The following ALMS1 variants were observed in gnomAD, a reference collection of about 807,000 sequenced individuals.
ALMS1 encodes ALMS1 centrosome and basal body associated protein.
In ALMS1, 271 loss-of-function variants were observed where a neutral mutation model predicts 352.2. That is an observed-to-expected ratio of 0.77 (90% CI 0.70 to 0.85). ALMS1 has a LOEUF of 0.85. Ranked by LOEUF, ALMS1 falls within the 40% of genes least tolerant of loss-of-function variation. The pLI, the probability that ALMS1 is intolerant of heterozygous loss-of-function variation, is 0.00. For synonymous variants in ALMS1, 1,865 were observed against 1,761.2 expected, an observed-to-expected ratio of 1.06 and a Z score of -1.48; for missense variants, 5,445 against 4,870.7, an observed-to-expected ratio of 1.12 and a Z score of -3.51.
chr2:73,523,036 C>G (rs1673717609), intron 11 of ALMS1, among the ~76,000 whole-genome samples: 1 of 152,186 alleles, frequency 6.6e-6, no homozygotes, highest in South Asian at 2.1e-4. Context: ...GATCTTCCAT[C>G]TAACAACACT....
intron 10 of ALMS1, among the ~76,000 whole-genome samples, chr2:73,515,526 A>G (rs1673537255): frequency 6.6e-6 from 1 of 152,116 alleles, no homozygotes; most frequent in Non-Finnish European, 1.5e-5. Context: ...TAGAGGGACT[A>G]GAAAAACAAG....
intron 12 of ALMS1, 116 bp downstream of exon 12, chr2:73,535,065 A>C: frequency 7.8e-7 from 1 of 1,284,416 alleles, no homozygotes; most frequent in Non-Finnish European, 1.1e-6. Context: ...GAAATATGGA[A>C]CTTTTCATAC....
chr2:73,467,227 G>A (rs1457984654), intron 9 of ALMS1, among the ~76,000 whole-genome samples: 8 of 152,014 alleles, frequency 5.3e-5, no homozygotes, highest in Non-Finnish European at 7.4e-5. Flanking sequence ...AGGGTATTTC[G>A]GATACATATA....
chr2:73,573,673 A>G, intron 16 of ALMS1: 1 of 618,288 alleles, frequency 1.6e-6, no homozygotes, highest in Admixed American at 2.6e-5. Flanking sequence ...CAGTCTGCAA[A>G]GTTTACCCCT....
chr2:73,429,898 G>A (rs1671466199), intron 6 of ALMS1, among the ~76,000 whole-genome samples: 1 of 151,782 alleles, frequency 6.6e-6, no homozygotes, highest in Non-Finnish European at 1.5e-5. Flanking sequence ...GTATTTTTCT[G>A]GTTTCTTGGT....
intron 6 of ALMS1, among the ~76,000 whole-genome samples, chr2:73,430,821 T>G (rs1357027202): frequency 6.6e-6 from 1 of 152,070 alleles, no homozygotes; most frequent in Non-Finnish European, 1.5e-5. Context: ...AACAACAAAA[T>G]TGCCTGACAG....
At position 73,452,221 on chromosome 2, in the gene ALMS1, T is replaced by C. The variant is rs1317035563; in HGVS notation, c.5694T>C (p.Asn1898=). 3 of 1,613,998 alleles carry C rather than the reference T, an allele frequency of 1.9e-6. No homozygotes were observed. Among genetic ancestry groups the C allele is most frequent in the Non-Finnish European group, 2.5e-6 (3 of 1,179,984 alleles). The change falls in exon 8 of 23, where the codon AAT becomes AAC. Residue 1898 remains asparagine, a synonymous_variant. Coordinates refer to ENST00000613296, the MANE Select transcript of ALMS1 (RefSeq NM_001378454.1). The part of the protein sequence containing the change: ...IQIASSSSYS[N]REKASIFHQQ... ...TAGCATCCTCTAGTTCCTACTCAAATAGAGAGAAGGCCAGTATTTTTCATC... is the reference window on the plus strand; with the variant it reads ...TAGCATCCTCTAGTTCCTACTCAAACAGAGAGAAGGCCAGTATTTTTCATC...
chr2:73,542,626 G>A (rs1273155117), intron 12 of ALMS1, among the ~76,000 whole-genome samples: 2 of 152,142 alleles, frequency 1.3e-5, no homozygotes, highest in Non-Finnish European at 1.5e-5. Context: ...CATTGTCTCA[G>A]CCCAAAATCT....
At chr2:73,548,631 G>A (rs529308624) in intron 12 of ALMS1, among the ~76,000 whole-genome samples, 44 of 152,292 alleles carry the variant, frequency 2.9e-4, no homozygotes, top group Admixed American at 6.5e-4. Flanking sequence ...ACAGTTGTTT[G>A]TGTTGTACTA....
At chr2:73,572,142 C>A in intron 15 of ALMS1, 120 bp from the exon 16 acceptor site, 2 of 856,900 alleles carry the variant, frequency 2.3e-6, no homozygotes, top group South Asian at 2.0e-5. Flanking sequence ...TTTTCTGATA[C>A]CTTATATAAA....
chr2:73,516,670 A>G (rs928195253), intron 10 of ALMS1, among the ~76,000 whole-genome samples: 2 of 152,224 alleles, frequency 1.3e-5, no homozygotes, highest in African/African-American at 4.8e-5. Flanking sequence ...ACTTTAGAAT[A>G]TGGTAAATGT....
chr2:73,562,882 C>T (rs1674695057), intron 15 of ALMS1, among the ~76,000 whole-genome samples: 1 of 150,556 alleles, frequency 6.6e-6, no homozygotes, highest in Admixed American at 6.6e-5. Flanking sequence ...AGTGAAACTC[C>T]ATCTCAAAAA....
At chr2:73,462,729 A>G (rs1231398112) in intron 9 of ALMS1, 1 of 152,238 alleles carries the variant, frequency 6.6e-6, no homozygotes, top group Admixed American at 6.5e-5. Context: ...GTGCAGAGAC[A>G]CACATAGGCT....
intron 9 of ALMS1, among the ~76,000 whole-genome samples, chr2:73,479,958 C>T (rs1672660831): frequency 1.3e-5 from 2 of 151,980 alleles, no homozygotes; most frequent in Non-Finnish European, 1.5e-5. Context: ...ATGTGTATTT[C>T]CCTAATGGTT....
chr2:73,595,841 G>A (rs916421994), intron 16 of ALMS1, among the ~76,000 whole-genome samples: 1 of 152,214 alleles, frequency 6.6e-6, no homozygotes, highest in Non-Finnish European at 1.5e-5. Context: ...TGGGTGTGAA[G>A]TGGTATCTTA....
At chr2:73,523,638 A>G (rs969047166) in intron 11 of ALMS1, among the ~76,000 whole-genome samples, 1 of 152,120 alleles carries the variant, frequency 6.6e-6, no homozygotes, top group African/African-American at 2.4e-5. Context: ...ATGATGGCAC[A>G]TGCCTGTAAT....
Position 73,453,937 on chromosome 2 carries a change from T to G in ALMS1, c.7410T>G (p.Asp2470Glu). The G allele has an allele frequency of 6.2e-7, 1 of 1,613,960 alleles. No individual in the cohort carries two copies. The highest frequency in any genetic ancestry group is 8.5e-7 in the Non-Finnish European group (1 of 1,179,980). Residue 2470 changes from aspartate to glutamate, a missense_variant, in exon 8 of 23, where the codon GAT (aspartate) becomes GAG (glutamate). Physicochemically the swap from Asp to Glu is conservative, Grantham distance 45. Transcript: ENST00000613296. ...AAGAGGGTGTGTCAGAGAGTGAGGATGGTGGTGGTAGCAGTGTAGATTCAC... is the reference window on the plus strand; with the variant it reads ...AAGAGGGTGTGTCAGAGAGTGAGGAGGGTGGTGGTAGCAGTGTAGATTCAC... ...REEEGVSESE[D>E]GGGSSVDSLA...
intron 9 of ALMS1, among the ~76,000 whole-genome samples, chr2:73,461,125 T>C (rs1386062219): frequency 6.6e-6 from 1 of 152,206 alleles, no homozygotes; most frequent in African/African-American, 2.4e-5. Context: ...GATGTGAGAA[T>C]GGGCAGACTG....
chr2:73,450,018 T>A lies in ALMS1; in HGVS notation c.3491T>A (p.Ile1164Lys). The change falls in exon 8 of 23, where the codon ATA (isoleucine) becomes AAA (lysine). Residue 1164 changes from isoleucine (I) to lysine (K), a missense_variant. Ile to Lys is a moderately radical substitution (Grantham distance 102). Transcript: ENST00000613296. ...CAGCAGGCCTTGCCAGGTACTCATA[T>A]ACCTGAAGAGGCTCAGAAAGTTTCA... ...FHQQALPGTH[I>K]PEEAQKVSAV... is the part of the protein sequence containing the mutation. 1 of 1,613,966 alleles carries A rather than the reference T, an allele frequency of 6.2e-7. No homozygotes were observed. Among genetic ancestry groups the A allele is most frequent in the South Asian group, 1.1e-5 (1 of 91,084 alleles).
Sources: gnomAD v4.1 joint callset for allele counts (sites outside exome capture counted in the v4.1 genomes callset) on GRCh38, gnomAD v4.1.1 for gene constraint, MANE v1.5 for transcripts, NCBI Gene and HGNC (gene_info 2026-07-23, HGNC 2026-07-21) for gene names.